SHKBP1: variants seen among roughly 807,000 people sequenced by gnomAD.
SHKBP1 encodes the protein SH3KBP1 binding protein 1.
A neutral mutation model predicts 83.9 loss-of-function variants in SHKBP1; 71 were observed. That is an observed-to-expected ratio of 0.85 (90% confidence interval 0.70 to 1.03). The LOEUF is 1.03. Ranked by LOEUF, SHKBP1 falls within the 50% of genes least tolerant of loss-of-function variation. The pLI is 0.00. For missense variants in SHKBP1, 824 were observed against 982.4 expected (o/e 0.84, Z 2.16); for synonymous variants, 371 against 398.0 (o/e 0.93, Z 0.81).
chr19:40,588,976 G>A (rs1398981734), intron 14 of SHKBP1, 106 bp from the exon 15 acceptor site: 11 of 1,336,634 alleles, frequency 8.2e-6, no homozygotes, highest in Non-Finnish European at 1.1e-5. Context: ...CTAACAACCT[G>A]GGGATGGGAC....
rs1568392991 is a variant in SHKBP1 at position 40,586,835 on chromosome 19, C to T, written c.1227C>T (p.Ile409=). ...YGTSSGGVRV[I]VQHPETVGSG... is the part of the protein sequence containing the mutation. Reference sequence around the variant, plus strand: ...CCAGCTCAGGGGGCGTGCGGGTCATCGTGCAGCACCCGGAGACTGTGGGCT... The same window carrying T: ...CCAGCTCAGGGGGCGTGCGGGTCATTGTGCAGCACCCGGAGACTGTGGGCT... The change falls in exon 13 of 18, where the codon ATC becomes ATT. Residue 409 remains isoleucine (I), a synonymous_variant. Coordinates refer to ENST00000291842, the MANE Select transcript of SHKBP1 (RefSeq NM_138392.4). 7.4e-6 allele frequency: 12 copies of T among 1,611,848 alleles called. No homozygotes were observed. Among genetic ancestry groups the T allele is most frequent in the Admixed American group, 3.3e-5 (2 of 59,900 alleles).
chr19:40,585,128 A>G (rs1162173668), intron 12 of SHKBP1, among the ~76,000 whole-genome samples: 1 of 152,010 alleles, frequency 6.6e-6, no homozygotes, highest in Non-Finnish European at 1.5e-5. Flanking sequence ...AAAAATAGAG[A>G]CAGGGTCTTG....
intron 12 of SHKBP1, chr19:40,585,444 G>C (rs1341255114): frequency 2.0e-5 from 3 of 151,420 alleles, no homozygotes; most frequent in Non-Finnish European, 4.4e-5. Flanking sequence ...TTTTAAAGCA[G>C]AAATAAGTTA....
chr19:40,583,478 C>T lies in SHKBP1; in HGVS notation c.1041C>T (p.Tyr347=). ...LLLGCNNGSI[Y]YVDVQKFPLR... Reference sequence around the variant, plus strand: ...TGGGCTGCAACAACGGCTCCATTTACTACGTGGGTGAGCAGCAGCCTGTGT... The same window carrying T: ...TGGGCTGCAACAACGGCTCCATTTATTACGTGGGTGAGCAGCAGCCTGTGT... The change falls in exon 11 of 18, where the codon TAC becomes TAT. Residue 347 remains tyrosine (Y), a synonymous_variant. Transcript: ENST00000291842. 1 of 1,612,270 alleles carries T rather than the reference C, an allele frequency of 6.2e-7. No homozygotes were observed. The highest frequency in any genetic ancestry group is 8.5e-7 in the Non-Finnish European group (1 of 1,179,256).
intron 1 of SHKBP1, 50 bp from the exon 2 acceptor site, chr19:40,577,180 TC>T (rs1568386763): frequency 1.2e-6 from 2 of 1,602,988 alleles, no homozygotes; most frequent in Non-Finnish European, 1.7e-6. Flanking sequence ...GGGGACGCAT[TC>T]CTCACCCGCT....
At chr19:40,583,246 CAG>C in intron 10 of SHKBP1, 150 bp from the exon 11 acceptor site, 1 of 615,226 alleles carries the variant, frequency 1.6e-6, no homozygotes, top group South Asian at 2.0e-5. Flanking sequence ...GGGAACAAGA[CAG>C]GGACAAAGGC....
At chr19:40,578,402 G>A in intron 5 of SHKBP1, 60 bp from the exon 6 acceptor site, 1 of 1,575,662 alleles carries the variant, frequency 6.3e-7, no homozygotes. Flanking sequence ...AATGGGGAGG[G>A]GGAAATGGGG....
intron 13 of SHKBP1, 61 bp from the exon 14 acceptor site, chr19:40,588,563 C>T (rs1018245966): frequency 2.9e-5 from 47 of 1,600,128 alleles, no homozygotes; most frequent in African/African-American, 9.4e-5. Flanking sequence ...AGGCTCTGGA[C>T]GGGCAGGCAG....
rs764472030 is a variant in SHKBP1 at position 40,590,236 on chromosome 19, C to CA, written c.1590-8_1590-7insA. 1.3e-6 allele frequency: 2 copies of CA among 1,562,184 alleles called. No homozygotes were observed. The highest frequency in any genetic ancestry group is 2.7e-5 in the African/African-American group (2 of 73,586). On this transcript the variant is annotated splice_polypyrimidine_tract_variant and splice_region_variant and intron_variant, in intron 15 of 17. Transcript: ENST00000291842. The surrounding 1 kb of genome is among the most constrained non-coding windows in gnomAD (Gnocchi z 4.6). ...GAGGGTGACCACCTCCCCCACTGCA[C>CA]CCCCCAGGGTGTGCTCCGTGCGCTC...
At chr19:40,577,503 C>G (rs2081227061) in intron 3 of SHKBP1, 54 bp from the exon 4 acceptor site, 1 of 1,613,686 alleles carries the variant, frequency 6.2e-7, no homozygotes, top group South Asian at 1.1e-5. Context: ...AGGGGCAGGA[C>G]CCCACTCAGT....
chr19:40,590,308 G>A lies in SHKBP1; in HGVS notation c.1654G>A (p.Gly552Ser). ...AGCCTTCACAGTGCTGGAGTGCGAGGGCTCCCGGCGGCTCGGCTCTCGGCC... is the reference window on the plus strand; with the variant it reads ...AGCCTTCACAGTGCTGGAGTGCGAGAGCTCCCGGCGGCTCGGCTCTCGGCC... ...TTAFTVLECE[G>S]SRRLGSRPRR... is the part of the protein sequence containing the mutation. The change falls in exon 16 of 18, where the codon GGC becomes AGC. Residue 552 changes from glycine to serine, a missense_variant. Coordinates refer to ENST00000291842, the MANE Select transcript of SHKBP1 (RefSeq NM_138392.4). The surrounding 1 kb of genome is among the most constrained non-coding windows in gnomAD (Gnocchi z 4.6). 6.2e-7 allele frequency: 1 copy of A among 1,609,026 alleles called. No homozygotes were observed. The highest frequency in any genetic ancestry group is 1.1e-5 in the South Asian group (1 of 90,236).
chr19:40,584,613 T>A (rs2081296879), intron 12 of SHKBP1, among the ~76,000 whole-genome samples: 1 of 152,166 alleles, frequency 6.6e-6, no homozygotes, highest in Non-Finnish European at 1.5e-5. Flanking sequence ...CCTCTAGAAA[T>A]CACTAATATG....
intron 6 of SHKBP1, 57 bp downstream of exon 6, chr19:40,578,599 C>A: frequency 6.7e-7 from 1 of 1,500,008 alleles, no homozygotes; most frequent in South Asian, 1.1e-5. Context: ...CTACATTTCC[C>A]ATAAGGCTGC....
In SHKBP1 at chr19:40,580,591, G is replaced by A. The variant is rs1230376007; in HGVS notation, c.588G>A (p.Val196=). The change falls in exon 8 of 18, where the codon GTG becomes GTA. Residue 196 remains valine (V), a synonymous_variant. Coordinates refer to ENST00000291842, the MANE Select transcript of SHKBP1 (RefSeq NM_138392.4). ...GACAACCTGAGGAGCCGGGGATGGT[G>A]CGCCTGGTGTGTGGACACCATAATT... is the stretch of plus-strand genomic sequence containing the variant. The part of the protein sequence containing the change: ...PSGQPEEPGM[V]RLVCGHHNWI... 1.2e-6 allele frequency: 2 copies of A among 1,614,094 alleles called. No homozygotes were observed. Among genetic ancestry groups the A allele is most frequent in the South Asian group, 1.1e-5 (1 of 91,094 alleles).
chr19:40,578,290 C>T, intron 5 of SHKBP1, 78 bp downstream of exon 5: 3 of 1,527,440 alleles, frequency 2.0e-6, no homozygotes, highest in Non-Finnish European at 1.8e-6. Context: ...TCTTCCCCTT[C>T]TCTCCTGAAA....
chr19:40,580,725 G>A (rs1425674072), intron 8 of SHKBP1, 21 bp from the exon 9 acceptor site: 2 of 1,613,434 alleles, frequency 1.2e-6, no homozygotes, highest in African/African-American at 1.3e-5. Flanking sequence ...GAGGGTTGGT[G>A]ATGTCCCCTC....
In SHKBP1 at chr19:40,590,994, C is replaced by G. The variant is rs2081355078; in HGVS notation, c.1911C>G (p.Ser637Arg). The G allele has an allele frequency of 6.2e-7, 1 of 1,606,292 alleles. No homozygotes were observed. The highest frequency in any genetic ancestry group is 8.5e-7 in the Non-Finnish European group (1 of 1,173,904). ...TCCTCAGCCTCCACTCAGCCTCCAG[C>G]AACACCTCCTTGTCTGGCCACCGTG... ...ISLTSLHSAS[S>R]NTSLSGHRGS... Residue 637 changes from serine (S) to arginine (R), a missense_variant, in exon 18 of 18, where the codon AGC becomes AGG. Physicochemically the swap from Ser to Arg is moderately radical, Grantham distance 110 (BLOSUM62 -1). Coordinates refer to ENST00000291842, the MANE Select transcript of SHKBP1 (RefSeq NM_138392.4). This position sits in a 1 kb window ranked among gnomAD's most constrained non-coding sequence, Gnocchi z 4.6.
In SHKBP1 at chr19:40,588,783, C is replaced by T. The variant is rs752001323; in HGVS notation, c.1492+4C>T. Reference sequence around the variant, plus strand: ...TGCAGTGCTGGCAATGACATTGGTGCCTACTGGCTCCTGGCCTTCCCACCC... The same window carrying T: ...TGCAGTGCTGGCAATGACATTGGTGTCTACTGGCTCCTGGCCTTCCCACCC... On this transcript the variant is annotated splice_donor_region_variant and intron_variant, in intron 14 of 17. Coordinates refer to ENST00000291842, the MANE Select transcript of SHKBP1 (RefSeq NM_138392.4). 1.2e-6 allele frequency: 2 copies of T among 1,612,316 alleles called. No homozygotes were observed. The highest frequency in any genetic ancestry group is 3.3e-5 in the Admixed American group (2 of 60,008).
chr19:40,590,302 T>C lies in SHKBP1; in HGVS notation c.1648T>C (p.Cys550Arg), dbSNP rs1193327126. 6.2e-7 allele frequency: 1 copy of C among 1,608,502 alleles called. No individual in the cohort carries two copies. Among genetic ancestry groups the C allele is most frequent in the East Asian group, 2.2e-5 (1 of 44,698 alleles). ...SPTTAFTVLE[C>R]EGSRRLGSRP... ...CACGACAGCCTTCACAGTGCTGGAG[T>C]GCGAGGGCTCCCGGCGGCTCGGCTC... The change falls in exon 16 of 18, where the codon TGC becomes CGC. Residue 550 changes from cysteine to arginine, a missense_variant. Around this residue, in one of 3 missense-constraint regions of SHKBP1, gnomAD observed 287 missense variants for 322.9 expected, o/e 0.89. Coordinates refer to ENST00000291842, the MANE Select transcript of SHKBP1 (RefSeq NM_138392.4). The surrounding 1 kb of genome is among the most constrained non-coding windows in gnomAD (Gnocchi z 4.6).
Sources: allele counts gnomAD v4.1 joint callset (sites outside exome capture counted in the v4.1 genomes callset), GRCh38; gene constraint gnomAD v4.1.1; regional missense constraint gnomAD v4.1.1; non-coding constraint Gnocchi (gnomAD v3.1); transcripts MANE v1.5; gene names NCBI Gene and HGNC (gene_info 2026-07-23, HGNC 2026-07-21).